Variants in MYPN observed in about 807,000 individuals in gnomAD.
The protein encoded by MYPN is myopalladin.
A neutral mutation model predicts 129.4 loss-of-function variants in MYPN; 63 were observed. The observed-to-expected ratio is 0.49, with a 90% CI of 0.40 to 0.60. The LOEUF (loss-of-function observed/expected upper bound fraction) is 0.60, where lower values mean the gene tolerates loss of function less well. MYPN is among the 20% of genes least tolerant of loss of function. The pLI, the probability that MYPN is intolerant of heterozygous loss-of-function variation, is 0.00. For synonymous variants in MYPN, 629 were observed against 600.9 expected (o/e 1.05, Z -0.68); for missense variants, 1,596 against 1,635.4 (o/e 0.98, Z 0.42).
chr10:68,152,263 G>T (rs1040756929), intron 6 of MYPN, among the ~76,000 whole-genome samples: 5 of 152,118 alleles, frequency 3.3e-5, no homozygotes, highest in Non-Finnish European at 7.4e-5. Flanking sequence ...CAGACTTAAA[G>T]AGTCTGTTTT....
rs1366291225 is a variant in MYPN, at chr10:68,165,752, T to C, written c.1534T>C (p.Cys512Arg). ...IAEVFAEDSG[C>R]FTCTASNKYG... ...TGAGGTGTTTGCAGAAGATTCTGGG[T>C]GCTTCACATGTACTGCAAGCAACAA... Residue 512 changes from cysteine (C) to arginine (R), a missense_variant, in exon 9 of 20, where the codon TGC (cysteine) becomes CGC (arginine). Cys to Arg is a radical substitution (Grantham distance 180). Coordinates refer to ENST00000358913, the MANE Select transcript of MYPN (RefSeq NM_032578.4). The C allele has an allele frequency of 6.2e-7, 1 of 1,614,204 alleles. No homozygotes were observed.
At chr10:68,113,720 A>T (rs2042113210) in intron 1 of MYPN, among the ~76,000 whole-genome samples, 1 of 151,706 alleles carries the variant, frequency 6.6e-6, no homozygotes, top group African/African-American at 2.4e-5. Context: ...AGACACATTT[A>T]AAAAAATAAT....
intron 2 of MYPN, 60 bp from the exon 3 acceptor site, chr10:68,142,880 T>TG (rs2042598593): frequency 6.9e-7 from 1 of 1,452,828 alleles, no homozygotes; most frequent in Non-Finnish European, 9.6e-7. Context: ...TATCTGGAGC[T>TG]GTCTATGTTA....
At chr10:68,201,120 T>C (rs2043702752) in intron 17 of MYPN, among the ~76,000 whole-genome samples, 1 of 152,188 alleles carries the variant, frequency 6.6e-6, no homozygotes, top group Non-Finnish European at 1.5e-5. Flanking sequence ...TTCTACAAAA[T>C]AAAACTCCAC....
At chr10:68,182,475 C>T (rs373947083) in intron 12 of MYPN, among the ~76,000 whole-genome samples, 1,491 of 124,800 alleles carry the variant, frequency 0.012, 67 homozygotes, top group Middle Eastern at 0.019. Flanking sequence ...CATATATACA[C>T]ACACACACAC....
rs1200405630 is a variant in MYPN at position 68,121,507 on chromosome 10, A to C, written c.69A>C (p.Glu23Asp). The C allele has an allele frequency of 6.2e-6, 10 of 1,614,110 alleles. No homozygotes were observed. The highest frequency in any genetic ancestry group is 2.7e-5 in the African/African-American group (2 of 74,934). Residue 23 changes from glutamate (E) to aspartate (D), a missense_variant, in exon 2 of 20, where the codon GAA (glutamate) becomes GAC (aspartate). By Grantham distance (45) the Glu-to-Asp change is conservative (BLOSUM62 2). Transcript: ENST00000358913. Reference protein sequence around the residue: ...SQLLRESYLAETRHRGNNERS... With the variant: ...SQLLRESYLADTRHRGNNERS... Reference sequence around the variant, plus strand: ...TTCTAAGAGAGAGCTATTTAGCTGAAACCAGACATCGGGGAAACAATGAGA... The same window carrying C: ...TTCTAAGAGAGAGCTATTTAGCTGACACCAGACATCGGGGAAACAATGAGA...
At chr10:68,149,782 A>G (rs1454958709) in intron 5 of MYPN, among the ~76,000 whole-genome samples, 2 of 152,054 alleles carry the variant, frequency 1.3e-5, no homozygotes, top group Non-Finnish European at 2.9e-5. Context: ...GTTTAGGGTT[A>G]ATGACATAGA....
chr10:68,142,385 C>T (rs561297803), intron 2 of MYPN, among the ~76,000 whole-genome samples: 1 of 152,080 alleles, frequency 6.6e-6, no homozygotes, highest in African/African-American at 2.4e-5. Context: ...ATATCATAAC[C>T]TACAGAAACA....
In MYPN at chr10:68,143,021, T is replaced by C. The variant is rs146899174; in HGVS notation, c.984T>C (p.Ile328=). 15 of 1,614,168 alleles carry C rather than the reference T, an allele frequency of 9.3e-6. No individual in the cohort carries two copies. The African/African-American group carries it at 1.6e-4, about 17-fold the overall frequency. The change falls in exon 3 of 20, where the codon ATT becomes ATC. Residue 328 remains isoleucine (I), a synonymous_variant. Coordinates refer to ENST00000358913, the MANE Select transcript of MYPN (RefSeq NM_032578.4). The part of the protein sequence containing the change: ...VQAGNLHSLT[I]AEAFEEDTGR... ...CAGGAAATCTGCACTCACTGACCAT[T>C]GCGGAAGCCTTTGAAGAGGACACAG...
intron 8 of MYPN, among the ~76,000 whole-genome samples, chr10:68,164,458 G>C (rs569394432): frequency 6.6e-5 from 10 of 152,266 alleles, no homozygotes; most frequent in African/African-American, 2.4e-4. Flanking sequence ...CATGAGCATT[G>C]GGGGACATGT....
At chr10:68,194,206 A>G (rs2043564175) in intron 13 of MYPN, among the ~76,000 whole-genome samples, 157 bp from the exon 14 acceptor site, 1 of 152,170 alleles carries the variant, frequency 6.6e-6, no homozygotes, top group South Asian at 2.1e-4. Flanking sequence ...CATATTATAC[A>G]GCCATTTTTA....
intron 10 of MYPN, 29 bp from the exon 11 acceptor site, chr10:68,174,037 C>T (rs2134198229): frequency 6.6e-7 from 1 of 1,515,094 alleles, no homozygotes; most frequent in Non-Finnish European, 9.2e-7. Context: ...ACATTTCCTT[C>T]TCTCTCTCCA....
chr10:68,203,696 C>T (rs868748941), intron 18 of MYPN, among the ~76,000 whole-genome samples: 4,677 of 34,640 alleles, frequency 0.14, 247 homozygotes, highest in African/African-American at 0.21. Context: ...CACGCACACA[C>T]ACACACACAC....
At chr10:68,093,447 T>G (rs1329517770) in intron 1 of MYPN, among the ~76,000 whole-genome samples, 1 of 150,758 alleles carries the variant, frequency 6.6e-6, no homozygotes, top group Admixed American at 6.6e-5. Flanking sequence ...ATTAAGAAAG[T>G]AAAGGAATAG....
chr10:68,210,794 T>C lies in MYPN; in HGVS notation c.*339T>C, dbSNP rs2043900033. 1 of 473,066 alleles carries C rather than the reference T, an allele frequency of 2.1e-6. No individual in the cohort carries two copies. 29.3% of individuals were successfully genotyped at this position (473,066 alleles called of 1,614,324 possible). A position where few individuals can be genotyped will look rare whatever the true frequency, so the allele number is the denominator to read the frequency against. On this transcript the variant is annotated 3_prime_UTR_variant, in exon 20 of 20. Coordinates refer to ENST00000358913, the MANE Select transcript of MYPN (RefSeq NM_032578.4). ...ATGTTTAGGTCATACTAGGAGCAAT[T>C]AGGAGCCATATGCCTGGGCTGAGAA...
intron 6 of MYPN, among the ~76,000 whole-genome samples, chr10:68,157,106 C>A (rs2042888893): frequency 6.6e-6 from 1 of 152,206 alleles, no homozygotes; most frequent in Non-Finnish European, 1.5e-5. Context: ...ACAGAATACA[C>A]TGATATCTTA....
chr10:68,134,104 G>A (rs1338756517), intron 2 of MYPN, among the ~76,000 whole-genome samples: 1 of 152,136 alleles, frequency 6.6e-6, no homozygotes, highest in African/African-American at 2.4e-5. Flanking sequence ...AAAAATTCAA[G>A]TACATTGAAT....
intron 17 of MYPN, among the ~76,000 whole-genome samples, chr10:68,199,938 A>T (rs2043682142): frequency 6.6e-6 from 1 of 152,218 alleles, no homozygotes; most frequent in African/African-American, 2.4e-5. Flanking sequence ...TGCACCAATG[A>T]TCCCTCTACC....
chr10:68,108,670 A>G (rs1286384431), upstream of MYPN, among the ~76,000 whole-genome samples: 10 of 152,204 alleles, frequency 6.6e-5, no homozygotes, highest in Non-Finnish European at 1.2e-4. Flanking sequence ...CATTTAATCT[A>G]TACTAAGCAA....
Sources: gnomAD v4.1 joint callset for allele counts (sites outside exome capture counted in the v4.1 genomes callset) on GRCh38, gnomAD v4.1.1 for gene constraint, MANE v1.5 for transcripts, NCBI Gene and HGNC (gene_info 2026-07-23, HGNC 2026-07-21) for gene names.